IFT56: variants seen among roughly 807,000 people sequenced by gnomAD.
IFT56 encodes intraflagellar transport protein 56.
At chr7:139,167,972 A>G in the IFT56 span, among the ~76,000 whole-genome samples, 5 of 152,012 alleles carry the variant, frequency 3.3e-5, no homozygotes, top group Non-Finnish European at 5.9e-5. Context: ...AAGAAAAATA[A>G]TATATATGAT....
the IFT56 span, chr7:139,134,868 C>T: frequency 6.7e-7 from 1 of 1,484,740 alleles, no homozygotes; most frequent in East Asian, 2.3e-5. Context: ...ATGCTGTTTG[C>T]TATGCTCTTG....
the IFT56 span, among the ~76,000 whole-genome samples, chr7:139,140,852 A>C: frequency 2.0e-5 from 3 of 151,318 alleles, no homozygotes; most frequent in Non-Finnish European, 1.5e-5. Flanking sequence ...GAAAGTGGGC[A>C]CTGTAATGTT....
chr7:139,179,230 T>A, the IFT56 span, among the ~76,000 whole-genome samples: 2 of 152,246 alleles, frequency 1.3e-5, no homozygotes, highest in Non-Finnish European at 2.9e-5. Context: ...AAAATTTTTT[T>A]AAAATAGCTG....
At chr7:139,169,261 C>T in the IFT56 span, 9 of 1,596,772 alleles carry the variant, frequency 5.6e-6, no homozygotes, top group African/African-American at 1.3e-5. Context: ...TACCTTATTC[C>T]TCTATATCAG....
At chr7:139,188,601 GGTT>G in the IFT56 span, among the ~76,000 whole-genome samples, 2 of 152,190 alleles carry the variant, frequency 1.3e-5, no homozygotes, top group Non-Finnish European at 2.9e-5. Context: ...AGGTGAAAGA[GGTT>G]GTTTGTGGGG....
the IFT56 span, among the ~76,000 whole-genome samples, chr7:139,175,313 A>G: frequency 6.6e-6 from 1 of 152,210 alleles, no homozygotes; most frequent in Non-Finnish European, 1.5e-5. Context: ...AACAGTTTGG[A>G]AGTTCCTCAA....
chr7:139,148,715 AGGAGTT>A, the IFT56 span, among the ~76,000 whole-genome samples: 4 of 151,096 alleles, frequency 2.6e-5, no homozygotes, highest in Non-Finnish European at 5.9e-5. Context: ...ACTTGAGGCC[AGGAGTT>A]TGAGACCAGC....
At chr7:139,181,271 G>A in the IFT56 span, 29 of 1,166,484 alleles carry the variant, frequency 2.5e-5, no homozygotes, top group Non-Finnish European at 3.2e-5. Context: ...AATATTAGGG[G>A]AAAATGTCCT....
chr7:139,160,618 A>G, the IFT56 span, among the ~76,000 whole-genome samples: 48,724 of 151,838 alleles, frequency 0.32, 10,837 homozygotes, highest in East Asian at 0.64. Context: ...TTTTAGTAGA[A>G]ACAGGGTTTC....
the IFT56 span, chr7:139,179,795 C>CAACTCT: frequency 1.5e-6 from 1 of 652,234 alleles, no homozygotes; most frequent in Non-Finnish European, 2.6e-6. Flanking sequence ...GTTGTTAATG[C>CAACTCT]TACTCAGTAA....
At chr7:139,135,547 T>A in the IFT56 span, among the ~76,000 whole-genome samples, 1 of 152,222 alleles carries the variant, frequency 6.6e-6, no homozygotes, top group East Asian at 1.9e-4. Context: ...ATGGCAGTAG[T>A]TCTCACCTTT....
the IFT56 span, among the ~76,000 whole-genome samples, chr7:139,162,592 C>T: frequency 6.6e-6 from 1 of 152,056 alleles, no homozygotes; most frequent in Admixed American, 6.5e-5. Context: ...CTACCATGTA[C>T]TAGTTTTATA....
At chr7:139,178,333 A>C in the IFT56 span, 8 of 1,563,026 alleles carry the variant, frequency 5.1e-6, no homozygotes, top group South Asian at 6.7e-5. Flanking sequence ...AAGACTTTAT[A>C]TACAAAATAC....
the IFT56 span, among the ~76,000 whole-genome samples, chr7:139,184,911 A>G: frequency 8.6e-5 from 13 of 151,156 alleles, no homozygotes; most frequent in Admixed American, 2.6e-4. Flanking sequence ...AAAATTAGCC[A>G]GGCGTGGTGG....
the IFT56 span, among the ~76,000 whole-genome samples, chr7:139,142,831 C>CA: frequency 1.3e-5 from 2 of 149,718 alleles, no homozygotes; most frequent in African/African-American, 2.5e-5. Context: ...GACTGTGTCT[C>CA]AAAAAAAAAG....
the IFT56 span, chr7:139,166,697 G>T: frequency 2.1e-6 from 1 of 481,168 alleles, no homozygotes; most frequent in Non-Finnish European, 3.9e-6. Flanking sequence ...ACTCAACACC[G>T]AACATGGAGA....
chr7:139,135,128 A>G, the IFT56 span, among the ~76,000 whole-genome samples: 2 of 151,938 alleles, frequency 1.3e-5, no homozygotes, highest in Non-Finnish European at 1.5e-5. Flanking sequence ...AAAATACAAA[A>G]ATTAGCTGGG....
chr7:139,136,221 G>A, the IFT56 span, among the ~76,000 whole-genome samples: 5 of 152,090 alleles, frequency 3.3e-5, no homozygotes, highest in African/African-American at 7.2e-5. Context: ...CACCGCGCCC[G>A]GCCTAGTTTG....
At chr7:139,166,887 A>G in the IFT56 span, 4 of 1,581,976 alleles carry the variant, frequency 2.5e-6, no homozygotes. Flanking sequence ...GGAACCTACT[A>G]CTCCTCAGGT....
Sources: gnomAD v4.1 joint callset for allele counts (sites outside exome capture counted in the v4.1 genomes callset) on GRCh38, gnomAD v4.1.1 for gene constraint, MANE v1.5 for transcripts, NCBI Gene and HGNC (gene_info 2026-07-23, HGNC 2026-07-21) for gene names.